EFCAB5: variants seen among roughly 807,000 people sequenced by gnomAD.
EFCAB5 encodes the protein EF-hand calcium binding domain 5.
Under a neutral mutation model 167.9 loss-of-function variants are expected in EFCAB5, and 131 were observed. The ratio of observed to expected loss-of-function variants is 0.78; its 90% confidence interval spans 0.68 to 0.90. The LOEUF is 0.90. Ranked by LOEUF, EFCAB5 falls within the 40% of genes least tolerant of loss-of-function variation. The probability of loss-of-function intolerance (pLI) is 0.00; values close to 1 mark genes in which losing one functional copy is unlikely to be tolerated. For synonymous variants in EFCAB5, 574 were observed against 602.8 expected (o/e 0.95, Z 0.70); for missense variants, 1,663 against 1,745.2 (o/e 0.95, Z 0.84).
chr17:29,996,356 G>A lies in EFCAB5; in HGVS notation c.969G>A (p.Lys323=), dbSNP rs1159510060. The change falls in exon 6 of 23, where the codon AAG becomes AAA. Residue 323 remains lysine (K), a synonymous_variant. Coordinates refer to ENST00000394835, the MANE Select transcript of EFCAB5 (RefSeq NM_198529.4). ...AATTCTTTCAAAATCCAGATTTCAAGCTTGGTAAGTCTGCCTATTACTCTG... is the reference window on the plus strand; with the variant it reads ...AATTCTTTCAAAATCCAGATTTCAAACTTGGTAAGTCTGCCTATTACTCTG... The part of the protein sequence containing the change: ...LQEFFQNPDF[K]LGSHCKQLDI... The A allele has an allele frequency of 6.4e-7, 1 of 1,550,828 alleles. No homozygotes were observed. Among genetic ancestry groups the A allele is most frequent in the Admixed American group, 2.0e-5 (1 of 51,040 alleles).
intron 19 of EFCAB5, 113 bp downstream of exon 19, chr17:30,087,279 T>C: frequency 1.3e-6 from 1 of 741,366 alleles, no homozygotes; most frequent in South Asian, 2.1e-5. Context: ...TTTTATTCTT[T>C]CTTTTTAATT....
rs1229227613 is a variant in EFCAB5, at chr17:30,062,557, C to T, written c.2737+2856C>T. On this transcript the variant is annotated intron_variant, in intron 14 of 22. Coordinates refer to ENST00000394835, the MANE Select transcript of EFCAB5 (RefSeq NM_198529.4). ...ATACCTGTGCTCTCCCCAGAAAAGA[C>T]GCTGACATAGTGCCCTGACCCTTGT... 2.6e-5 allele frequency among the ~76,000 whole-genome samples: 4 copies of T among 152,334 alleles called. No homozygotes were observed. The East Asian group carries it at 5.8e-4, about 22-fold the overall frequency.
chr17:29,983,758 C>G (rs944664653), intron 4 of EFCAB5, among the ~76,000 whole-genome samples: 1 of 152,136 alleles, frequency 6.6e-6, no homozygotes, highest in Non-Finnish European at 1.5e-5. Flanking sequence ...GTGACACAAT[C>G]AATTTAAAAT....
chr17:29,939,633 C>T (rs918921255), upstream of EFCAB5, among the ~76,000 whole-genome samples: 2 of 152,218 alleles, frequency 1.3e-5, no homozygotes, highest in Admixed American at 6.5e-5. Context: ...GCAGCTTCAC[C>T]TTGCACTTTT....
At chr17:30,064,287 T>C (rs1034296341) in intron 14 of EFCAB5, among the ~76,000 whole-genome samples, 6 of 152,100 alleles carry the variant, frequency 3.9e-5, no homozygotes, top group African/African-American at 1.2e-4. Context: ...CAAGTCCTCA[T>C]ATGAATGAGA....
rs1724129732 is a variant in EFCAB5 at position 30,090,621 on chromosome 17, G to A, written c.3884G>A (p.Cys1295Tyr). The A allele has an allele frequency of 1.2e-6, 2 of 1,613,884 alleles. No homozygotes were observed. The highest frequency in any genetic ancestry group is 1.7e-6 in the Non-Finnish European group (2 of 1,179,882). The change falls in exon 20 of 23, where the codon TGC becomes TAC. Residue 1295 changes from cysteine to tyrosine, a missense_variant. Cys to Tyr is a radical substitution (Grantham distance 194). Coordinates refer to ENST00000394835, the MANE Select transcript of EFCAB5 (RefSeq NM_198529.4). The stretch of plus-strand genomic sequence containing the variant: ...ATGATGAAAGTGGTCCAAGTGGCCT[G>A]CTATGAAATACTTGGCGAGTTCTCT... The part of the protein sequence containing the change: ...QKMMKVVQVA[C>Y]YEILGEFSGE...
intron 7 of EFCAB5, among the ~76,000 whole-genome samples, chr17:30,015,418 G>A (rs568570593): frequency 2.6e-5 from 4 of 152,230 alleles, no homozygotes; most frequent in Admixed American, 1.3e-4. Flanking sequence ...CATTCTCCCC[G>A]TCACTTTCAG....
Position 30,054,048 on chromosome 17 carries a change from G to A in EFCAB5, c.2094G>A (p.Gln698=), listed in dbSNP as rs1421610410. 6.2e-6 allele frequency: 10 copies of A among 1,602,568 alleles called. No homozygotes were observed. Among genetic ancestry groups the A allele is most frequent in the South Asian group, 5.6e-5 (5 of 89,570 alleles). Residue 698 remains glutamine, a synonymous_variant, in exon 10 of 23, where the codon CAG becomes CAA. Coordinates refer to ENST00000394835, the MANE Select transcript of EFCAB5 (RefSeq NM_198529.4). ...ITSEYIEVPL[Q]EKRSWEQTYE... ...CTGAGTACATTGAAGTCCCTCTACA[G>A]GAAAAGAGGTCTTGGGAACAAACAT...
At chr17:29,984,153 A>G (rs1323098473) in intron 4 of EFCAB5, among the ~76,000 whole-genome samples, 2 of 151,986 alleles carry the variant, frequency 1.3e-5, no homozygotes, top group African/African-American at 4.8e-5. Flanking sequence ...ATGAATGAAT[A>G]ATGCAAAAGA....
At chr17:29,940,605 T>C (rs182120911), upstream of EFCAB5, among the ~76,000 whole-genome samples, 2 of 152,316 alleles carry the variant, frequency 1.3e-5, no homozygotes, top group East Asian at 3.9e-4. Context: ...AGCTATCACA[T>C]AAATTTATTT....
chr17:30,106,746 T>C (rs8075602), intron 22 of EFCAB5, among the ~76,000 whole-genome samples: 85,486 of 151,982 alleles, frequency 0.56, 24,841 homozygotes, highest in East Asian at 0.81. Flanking sequence ...TGTGAGTCAC[T>C]GTGCCCAGCC....
chr17:30,105,138 A>G (rs959171715), intron 22 of EFCAB5, among the ~76,000 whole-genome samples: 1 of 152,164 alleles, frequency 6.6e-6, no homozygotes, highest in Non-Finnish European at 1.5e-5. Flanking sequence ...TAGCATTGAA[A>G]CATTATCTTT....
intron 8 of EFCAB5, among the ~76,000 whole-genome samples, chr17:30,035,811 C>T (rs1330813285): frequency 1.3e-5 from 2 of 152,020 alleles, no homozygotes; most frequent in Middle Eastern, 3.4e-3. Context: ...AGAAACAGCA[C>T]GAAGGTCAAG....
chr17:30,088,787 A>C (rs2071137999), intron 19 of EFCAB5, among the ~76,000 whole-genome samples: 1 of 152,216 alleles, frequency 6.6e-6, no homozygotes. Flanking sequence ...CTCAACATTT[A>C]ATTACATATG....
chr17:29,936,234 C>T (rs2067244497), intron 1 of EFCAB5, among the ~76,000 whole-genome samples: 1 of 152,022 alleles, frequency 6.6e-6, no homozygotes, highest in Non-Finnish European at 1.5e-5. Flanking sequence ...CATGTTCTCA[C>T]TCATAGGTGG....
chr17:29,934,520 A>T (rs1359194859), intron 1 of EFCAB5, among the ~76,000 whole-genome samples: 1 of 152,206 alleles, frequency 6.6e-6, no homozygotes, highest in Non-Finnish European at 1.5e-5. Context: ...AGAATGCTAT[A>T]TATATAAAAA....
At chr17:30,080,591 T>C (rs540678349) in intron 16 of EFCAB5, among the ~76,000 whole-genome samples, 162 bp from the exon 17 acceptor site, 2 of 152,228 alleles carry the variant, frequency 1.3e-5, no homozygotes, top group Non-Finnish European at 2.9e-5. Context: ...TTTGTTTTAG[T>C]CTTTCTCAAG....
intron 14 of EFCAB5, chr17:30,069,469 T>G: frequency 6.3e-7 from 1 of 1,581,318 alleles, no homozygotes; most frequent in South Asian, 1.1e-5. Flanking sequence ...AAGCTGAGAT[T>G]GATGGCGTTC....
chr17:29,995,113 C>T (rs1008611915), intron 5 of EFCAB5, among the ~76,000 whole-genome samples: 2 of 152,154 alleles, frequency 1.3e-5, no homozygotes, highest in African/African-American at 4.8e-5. Context: ...GGCACAAACT[C>T]ATAGTTCTTC....
Sources: gnomAD v4.1 joint callset for allele counts (sites outside exome capture counted in the v4.1 genomes callset) on GRCh38, gnomAD v4.1.1 for gene constraint, MANE v1.5 for transcripts, NCBI Gene and HGNC (gene_info 2026-07-23, HGNC 2026-07-21) for gene names.